CIMIP2B: variants seen among roughly 807,000 people sequenced by gnomAD.
CIMIP2B encodes the protein family with sequence similarity 166 member B.
chr9:35,562,834 C>T, the CIMIP2B span: 1 of 1,613,276 alleles, frequency 6.2e-7, no homozygotes, highest in Non-Finnish European at 8.5e-7. Flanking sequence ...AAGACCCCCA[C>T]TCCCACACCT....
chr9:35,563,056 A>G, the CIMIP2B span: 1 of 1,613,972 alleles, frequency 6.2e-7, no homozygotes, highest in Non-Finnish European at 8.5e-7. Context: ...CTTGGCAAAG[A>G]TGAACTGTGC....
the CIMIP2B span, chr9:35,562,248 A>C: frequency 9.5e-7 from 1 of 1,051,772 alleles, no homozygotes; most frequent in Non-Finnish European, 1.3e-6. Context: ...TCTGCCTGAT[A>C]ATAAAGCTGA....
the CIMIP2B span, chr9:35,563,848 TTTG>T: frequency 3.7e-6 from 6 of 1,611,866 alleles, no homozygotes; most frequent in Non-Finnish European, 5.1e-6. Flanking sequence ...GGCATTTCCT[TTTG>T]TTTGCCTTTG....
At chr9:35,562,809 G>T in the CIMIP2B span, 2 of 1,609,352 alleles carry the variant, frequency 1.2e-6, no homozygotes, top group Non-Finnish European at 1.7e-6. Context: ...TGCCCCCACT[G>T]CCCGGACACA....
chr9:35,562,328 CCATACA>C, the CIMIP2B span: 3 of 1,296,192 alleles, frequency 2.3e-6, no homozygotes, highest in African/African-American at 3.3e-5. Context: ...CACCCCATAC[CCATACA>C]AACAAACATT....
chr9:35,562,354 A>G, the CIMIP2B span: 3 of 1,424,884 alleles, frequency 2.1e-6, no homozygotes, highest in South Asian at 4.5e-5. Context: ...TCCAGTCCCC[A>G]AAGCCTCCCC....
chr9:35,563,055 G>A, the CIMIP2B span: 2 of 1,614,028 alleles, frequency 1.2e-6, no homozygotes, highest in African/African-American at 1.3e-5. Context: ...TCTTGGCAAA[G>A]ATGAACTGTG....
At chr9:35,563,085 G>A in the CIMIP2B span, 3 of 1,613,858 alleles carry the variant, frequency 1.9e-6, no homozygotes, top group Non-Finnish European at 2.5e-6. Context: ...CAAAACCTGG[G>A]CAGGCAGGGA....
At chr9:35,562,778 CCACAGCCA>C in the CIMIP2B span, 5 of 1,609,734 alleles carry the variant, frequency 3.1e-6, no homozygotes, top group Non-Finnish European at 4.2e-6. Flanking sequence ...TCCCCTGAAC[CCACAGCCA>C]CACTACTCAT....
the CIMIP2B span, chr9:35,562,134 C>T: frequency 7.7e-6 from 11 of 1,422,896 alleles, no homozygotes; most frequent in African/African-American, 4.3e-5. Flanking sequence ...TAGCAAGTGG[C>T]ATGGCAAAGC....
At chr9:35,563,272 A>C in the CIMIP2B span, 1 of 1,613,994 alleles carries the variant, frequency 6.2e-7, no homozygotes, top group Non-Finnish European at 8.5e-7. Flanking sequence ...TGGGAGGCAG[A>C]AGTGTGCGGT....
chr9:35,561,931 T>TCCCACCCTCCCA, the CIMIP2B span: 228 of 204,386 alleles, frequency 1.1e-3, no homozygotes, highest in African/African-American at 0.011. Context: ...CCTCCCACCC[T>TCCCACCCTCCCA]CCCACCCACC....
At chr9:35,562,351 C>CT in the CIMIP2B span, 1 of 1,425,292 alleles carries the variant, frequency 7.0e-7, no homozygotes, top group South Asian at 1.5e-5. Context: ...CATTCCAGTC[C>CT]CCAAAGCCTC....
At chr9:35,563,175 C>T in the CIMIP2B span, 3 of 1,614,008 alleles carry the variant, frequency 1.9e-6, no homozygotes, top group Non-Finnish European at 2.5e-6. Flanking sequence ...CCTGTGTACC[C>T]AGGGATCATG....
chr9:35,562,048 C>T, the CIMIP2B span: 2 of 1,535,708 alleles, frequency 1.3e-6, no homozygotes, highest in Middle Eastern at 1.9e-4. Context: ...AGGCCCAGAG[C>T]ATCATGGGTG....
chr9:35,562,750 C>G, the CIMIP2B span: 19 of 1,611,930 alleles, frequency 1.2e-5, no homozygotes, highest in South Asian at 2.1e-4. Context: ...GGAGGTGGAG[C>G]TGACAATCAA....
chr9:35,562,228 G>T, the CIMIP2B span: 2 of 1,010,412 alleles, frequency 2.0e-6, no homozygotes, highest in African/African-American at 1.6e-5. Flanking sequence ...TAGCTACCTC[G>T]GTTTCCTTTT....
chr9:35,563,246 G>C, the CIMIP2B span: 1 of 1,614,038 alleles, frequency 6.2e-7, no homozygotes, highest in African/African-American at 1.3e-5. Context: ...AACCTCAGGA[G>C]ATCTTGGAGG....
At chr9:35,562,691 A>T in the CIMIP2B span, 13 of 1,613,598 alleles carry the variant, frequency 8.1e-6, no homozygotes, top group Non-Finnish European at 1.1e-5. Context: ...TCCATGGAGT[A>T]GGGAGAAGCC....
Sources: allele counts gnomAD v4.1 joint callset, GRCh38; gene constraint gnomAD v4.1.1; transcripts MANE v1.5; gene names NCBI Gene and HGNC (gene_info 2026-07-23, HGNC 2026-07-21).